The following AGBL1 variants were observed in gnomAD, a reference collection of about 807,000 sequenced individuals.
AGBL1 encodes cytosolic carboxypeptidase 4.
In AGBL1, 130 loss-of-function variants were observed where a neutral mutation model predicts 118.9. The observed-to-expected ratio is 1.09, with a 90% CI of 0.95 to 1.26. The LOEUF (loss-of-function observed/expected upper bound fraction) is 1.26, where lower values mean the gene tolerates loss of function less well. Among genes scored for constraint, AGBL1 ranks in the 50% most tolerant of loss-of-function variants. The pLI is 0.00. For missense variants in AGBL1, 1,584 were observed against 1,298.1 expected (o/e 1.22, Z -3.38); for synonymous variants, 555 against 478.9 (o/e 1.16, Z -2.08).
chr15:86,103,090 T>G (rs1896831273), intron 1 of AGBL1, among the ~76,000 whole-genome samples: 1 of 152,184 alleles, frequency 6.6e-6, no homozygotes, highest in Non-Finnish European at 1.5e-5. Context: ...AGCTGTCTAT[T>G]GTTGAAGTAT....
Position 86,556,080 on chromosome 15 carries a change from C to T in AGBL1, c.2994+1543C>T, listed in dbSNP as rs1276209291. 1.0e-5 allele frequency: 6 copies of T among 599,158 alleles called. No homozygotes were observed. In the Admixed American group the frequency reaches 1.8e-4, roughly 18 times the overall value. The allele number at this position is 599,158 out of a possible 1,614,324, so 37.1% of individuals were successfully genotyped here. ...CTGTCATTGAGTTTGTTTCTCCAAG[C>T]ACCAATTCAAACAAACAGCTTCTAG... On this transcript the variant is annotated intron_variant, in intron 21 of 22. Transcript: ENST00000614907.
At chr15:86,505,438 T>A (rs1335777881) in intron 18 of AGBL1, among the ~76,000 whole-genome samples, 2 of 151,898 alleles carry the variant, frequency 1.3e-5, no homozygotes, top group African/African-American at 4.8e-5. Flanking sequence ...CCCAGTGGTG[T>A]CTGAGACTCT....
At chr15:86,611,651 A>T (rs183742255) in intron 21 of AGBL1, among the ~76,000 whole-genome samples, 186 of 152,120 alleles carry the variant, frequency 1.2e-3, no homozygotes, top group African/African-American at 4.4e-3. Context: ...TTTTCTGTCA[A>T]GGTATTTTTT....
intron 23 of AGBL1, among the ~76,000 whole-genome samples, chr15:86,980,711 A>G (rs917237475): frequency 1.3e-5 from 2 of 152,146 alleles, no homozygotes; most frequent in African/African-American, 4.8e-5. Context: ...AGAGTCTTGC[A>G]TCATGTTTTT....
At chr15:86,491,154 C>G (rs2082772433) in intron 18 of AGBL1, among the ~76,000 whole-genome samples, 2 of 150,572 alleles carry the variant, frequency 1.3e-5, no homozygotes, top group East Asian at 1.9e-4. Context: ...TACAGGGATA[C>G]AGAAGAGGGT....
intron 22 of AGBL1, among the ~76,000 whole-genome samples, chr15:86,786,044 T>TG (rs1311179079): frequency 2.0e-5 from 3 of 152,176 alleles, no homozygotes; most frequent in Non-Finnish European, 4.4e-5. Context: ...TGAAGGGATT[T>TG]GGCTTCTTTT....
chr15:86,687,966 C>T (rs2086091719), intron 22 of AGBL1, among the ~76,000 whole-genome samples: 1 of 152,088 alleles, frequency 6.6e-6, no homozygotes, highest in Non-Finnish European at 1.5e-5. Context: ...TTACTAATTC[C>T]ATCAGCAACA....
At chr15:86,587,132 C>T (rs2084261353) in intron 21 of AGBL1, among the ~76,000 whole-genome samples, 1 of 152,164 alleles carries the variant, frequency 6.6e-6, no homozygotes, top group African/African-American at 2.4e-5. Flanking sequence ...ACACTGCAGT[C>T]ATGGTCTTAG....
chr15:86,700,468 TACACAC>T (rs67457435), intron 22 of AGBL1, among the ~76,000 whole-genome samples: 6,100 of 114,674 alleles, frequency 0.053, 163 homozygotes, highest in South Asian at 0.11. Context: ...AGCAGACTAA[TACACAC>T]ACACACACAC....
intron 23 of AGBL1, among the ~76,000 whole-genome samples, chr15:86,962,729 T>A (rs1193591047): frequency 6.6e-6 from 1 of 152,076 alleles, no homozygotes; most frequent in Non-Finnish European, 1.5e-5. Flanking sequence ...GACCTTGCTA[T>A]TCAAAATATG....
At chr15:86,770,580 T>A (rs2078162709) in intron 22 of AGBL1, among the ~76,000 whole-genome samples, 1 of 151,926 alleles carries the variant, frequency 6.6e-6, no homozygotes, top group African/African-American at 2.4e-5. Flanking sequence ...CGATGGAGGA[T>A]TGAGTGTCTC....
chr15:86,514,710 C>A (rs985816996), intron 18 of AGBL1, among the ~76,000 whole-genome samples: 1 of 152,106 alleles, frequency 6.6e-6, no homozygotes, highest in South Asian at 2.1e-4. Flanking sequence ...GTTACCCATT[C>A]TCTGTTTGTT....
At chr15:86,458,063 C>A (rs575586087) in intron 18 of AGBL1, among the ~76,000 whole-genome samples, 1 of 102,984 alleles carries the variant, frequency 9.7e-6, no homozygotes, top group South Asian at 3.0e-4. Context: ...AATACACTGT[C>A]CCCGTATATT....
At chr15:87,011,890 G>T (rs756743752) in intron 24 of AGBL1, among the ~76,000 whole-genome samples, 4 of 151,978 alleles carry the variant, frequency 2.6e-5, no homozygotes, top group Non-Finnish European at 2.9e-5. Flanking sequence ...TAATTACTTT[G>T]CAGAAAATCT....
chr15:86,927,212 T>C (rs2080551426), intron 23 of AGBL1, among the ~76,000 whole-genome samples: 1 of 152,118 alleles, frequency 6.6e-6, no homozygotes, highest in Non-Finnish European at 1.5e-5. Flanking sequence ...TCCTGCTTAG[T>C]ATAATTGTAA....
intron 7 of AGBL1, among the ~76,000 whole-genome samples, chr15:86,251,736 G>T (rs2078818532): frequency 6.6e-6 from 1 of 151,960 alleles, no homozygotes; most frequent in South Asian, 2.1e-4. Context: ...TGCAGCAAGG[G>T]TGCTGTGTAA....
At chr15:86,825,486 C>T (rs1209485316) in intron 22 of AGBL1, among the ~76,000 whole-genome samples, 1 of 134,536 alleles carries the variant, frequency 7.4e-6, no homozygotes, top group Admixed American at 7.7e-5. Flanking sequence ...AAAACTCTTA[C>T]AACTCAACAG....
chr15:86,841,655 G>A (rs1354049732), intron 22 of AGBL1, among the ~76,000 whole-genome samples: 1 of 151,944 alleles, frequency 6.6e-6, no homozygotes, highest in Non-Finnish European at 1.5e-5. Context: ...AGACCAGCCT[G>A]ACCAACATGG....
intron 18 of AGBL1, among the ~76,000 whole-genome samples, chr15:86,440,503 A>AATAATAATAATAATAATAATT (rs2082050364): frequency 6.6e-6 from 1 of 150,764 alleles, no homozygotes; most frequent in Non-Finnish European, 1.5e-5. Flanking sequence ...TAATAATAAT[A>AATAATAATAATAATAATAATT]ATAATAATAA....
Sources: gnomAD v4.1 joint callset for allele counts (sites outside exome capture counted in the v4.1 genomes callset) on GRCh38, gnomAD v4.1.1 for gene constraint, MANE v1.5 for transcripts, NCBI Gene and HGNC (gene_info 2026-07-23, HGNC 2026-07-21) for gene names.